Variants in KAZN observed in about 807,000 individuals in gnomAD.
The protein encoded by KAZN is kazrin, periplakin interacting protein.
A neutral mutation model predicts 87.4 loss-of-function variants in KAZN; 40 were observed. That is an observed-to-expected ratio of 0.46 (90% CI 0.36 to 0.60). The LOEUF is 0.60. Among genes scored for constraint, KAZN ranks in the 20% least tolerant of loss-of-function variants. The probability of loss-of-function intolerance (pLI) is 0.00; values close to 1 mark genes in which losing one functional copy is unlikely to be tolerated. For missense variants in KAZN, 898 were observed against 1,073.9 expected (o/e 0.84, Z 2.29); for synonymous variants, 466 against 458.3 (o/e 1.02, Z -0.22).
At chr1:14,462,816 G>T (rs1571708907) in intron 2 of KAZN, among the ~76,000 whole-genome samples, 1 of 152,134 alleles carries the variant, frequency 6.6e-6, no homozygotes, top group African/African-American at 2.4e-5. Flanking sequence ...GGAAAGACCT[G>T]GCCCCATGAT....
intron 2 of KAZN, among the ~76,000 whole-genome samples, chr1:14,490,164 G>A (rs928323516): frequency 3.3e-5 from 5 of 152,220 alleles, no homozygotes; most frequent in Non-Finnish European, 5.9e-5. Context: ...TTACTAGTCA[G>A]GTTGGCCTCT....
chr1:13,982,366 T>C lies in KAZN; in HGVS notation c.91+88610T>C, dbSNP rs994337397. On this transcript the variant is annotated intron_variant, in intron 1 of 16. Transcript: ENST00000636203. ...GTTTGTTCCTTCTGATGTTCGGATGTGTTCGGAGTTTCTTCCTTCTGGTGG... is the reference window on the plus strand; with the variant it reads ...GTTTGTTCCTTCTGATGTTCGGATGCGTTCGGAGTTTCTTCCTTCTGGTGG... Among the ~76,000 whole-genome samples, 8 of 152,224 alleles carry C rather than the reference T, an allele frequency of 5.3e-5. No homozygotes were observed. In the South Asian group the frequency reaches 1.7e-3, roughly 32 times the overall value.
At chr1:14,962,302 A>G (rs970710231) in intron 2 of KAZN, among the ~76,000 whole-genome samples, 2 of 152,218 alleles carry the variant, frequency 1.3e-5, no homozygotes, top group Non-Finnish European at 2.9e-5. Flanking sequence ...TTTCCAAGGC[A>G]GGTAGATGAC....
At chr1:14,943,484 C>G (rs748134401) in intron 1 of KAZN, among the ~76,000 whole-genome samples, 1 of 152,194 alleles carries the variant, frequency 6.6e-6, no homozygotes, top group Non-Finnish European at 1.5e-5. Context: ...AAGGGCTGGT[C>G]TCACAACGAG....
intron 1 of KAZN, among the ~76,000 whole-genome samples, chr1:14,795,285 G>A (rs541381382): frequency 1.3e-5 from 2 of 152,278 alleles, no homozygotes; most frequent in African/African-American, 2.4e-5. Flanking sequence ...GAAGCAGTCC[G>A]TGAAAGCTTG....
chr1:14,313,841 G>A (rs1655467460), intron 2 of KAZN, among the ~76,000 whole-genome samples: 1 of 152,034 alleles, frequency 6.6e-6, no homozygotes, highest in Non-Finnish European at 1.5e-5. Flanking sequence ...GGGATATTAT[G>A]AAATGAAATA....
intron 2 of KAZN, among the ~76,000 whole-genome samples, chr1:14,534,859 C>G (rs192648094): frequency 6.6e-6 from 1 of 152,114 alleles, no homozygotes; most frequent in African/African-American, 2.4e-5. Context: ...ATGGAGAAGG[C>G]TGTGTTCTAC....
chr1:14,353,990 G>T (rs138822151), intron 2 of KAZN, among the ~76,000 whole-genome samples: 215 of 152,202 alleles, frequency 1.4e-3, no homozygotes, highest in African/African-American at 4.5e-3. Flanking sequence ...AATAAAACAA[G>T]GTTAGAGGAC....
chr1:14,640,190 A>AT (rs1680313477), intron 1 of KAZN, among the ~76,000 whole-genome samples: 1 of 152,178 alleles, frequency 6.6e-6, no homozygotes, highest in Non-Finnish European at 1.5e-5. Context: ...TATTCACTAT[A>AT]TTAGATACTG....
rs1373632092 is a variant in KAZN, at chr1:14,820,906, G to T, written c.227-139778G>T. On this transcript the variant is annotated intron_variant, in intron 1 of 14. Coordinates refer to ENST00000376030, the MANE Select transcript of KAZN (RefSeq NM_201628.3). This position sits in a 1 kb window ranked among gnomAD's most constrained non-coding sequence, Gnocchi z 4.1. The stretch of plus-strand genomic sequence containing the variant: ...CAGGGTGAGCAAAAGGTGAATAAGG[G>T]CTCAGACGACATGACGGCACCGGGG... Among the ~76,000 whole-genome samples the T allele has an allele frequency of 2.0e-5, 3 of 152,154 alleles. No individual in the cohort carries two copies. Among genetic ancestry groups the T allele is most frequent in the Non-Finnish European group, 4.4e-5 (3 of 68,026 alleles).
chr1:14,199,100 C>G (rs1295446785), intron 2 of KAZN, among the ~76,000 whole-genome samples: 1 of 152,168 alleles, frequency 6.6e-6, no homozygotes, highest in Non-Finnish European at 1.5e-5. Flanking sequence ...TGTATTTTGA[C>G]TTGGGCAATC....
intron 2 of KAZN, among the ~76,000 whole-genome samples, chr1:14,290,648 G>A (rs558787840): frequency 6.6e-6 from 1 of 152,266 alleles, no homozygotes; most frequent in Admixed American, 6.5e-5. Context: ...GGAGAAGTTT[G>A]TTATTACCGA....
At chr1:13,893,418 G>A (rs1638912816) in exon 1 of KAZN, 1 of 466,516 alleles carries the variant, frequency 2.1e-6, no homozygotes, top group Non-Finnish European at 3.7e-6. Context: ...GCATGGAACT[G>A]CTGCTGTGCA....
At chr1:14,307,852 G>A (rs1410348532) in intron 2 of KAZN, among the ~76,000 whole-genome samples, 2 of 152,230 alleles carry the variant, frequency 1.3e-5, no homozygotes, top group Non-Finnish European at 2.9e-5. Flanking sequence ...TGAAGAAATA[G>A]TAACTTTGCA....
intron 1 of KAZN, among the ~76,000 whole-genome samples, chr1:14,956,234 T>C (rs1475459761): frequency 6.8e-6 from 1 of 146,140 alleles, no homozygotes; most frequent in Non-Finnish European, 1.5e-5. Flanking sequence ...TTTGCCTTCT[T>C]CCTGGACAAT....
chr1:14,195,511 T>TCAAA (rs1553142898), intron 2 of KAZN, among the ~76,000 whole-genome samples: 2 of 146,090 alleles, frequency 1.4e-5, no homozygotes, highest in South Asian at 2.3e-4. Flanking sequence ...CAAAAACGGC[T>TCAAA]CACACACACA....
chr1:14,804,048 G>A (rs1646126101), intron 1 of KAZN, among the ~76,000 whole-genome samples: 2 of 152,140 alleles, frequency 1.3e-5, no homozygotes, highest in South Asian at 4.1e-4. Context: ...CCATTCCAAT[G>A]CCTGCCAGCT....
chr1:14,221,902 C>T (rs1647108209), intron 2 of KAZN: 1 of 152,126 alleles, frequency 6.6e-6, no homozygotes, highest in Non-Finnish European at 1.5e-5. Context: ...CAGAATGACA[C>T]ATTTCCATTT....
At chr1:14,848,935 G>A (rs745792883) in intron 1 of KAZN, among the ~76,000 whole-genome samples, 3 of 152,162 alleles carry the variant, frequency 2.0e-5, no homozygotes, top group African/African-American at 4.8e-5. Flanking sequence ...TGCATGGAGC[G>A]GGGGCTGGCT....
Sources: gnomAD v4.1 joint callset for allele counts (sites outside exome capture counted in the v4.1 genomes callset) on GRCh38, gnomAD v4.1.1 for gene constraint, Gnocchi (gnomAD v3.1) non-coding constraint, MANE v1.5 for transcripts, NCBI Gene and HGNC (gene_info 2026-07-23, HGNC 2026-07-21) for gene names.